The following GNB1 variants were observed in gnomAD, a reference collection of about 807,000 sequenced individuals.
The protein encoded by GNB1 is G protein subunit beta 1.
Under a neutral mutation model 42.9 loss-of-function variants are expected in GNB1, and 2 were observed. The observed-to-expected ratio is 0.05, with a 90% CI of 0.02 to 0.15. The LOEUF (loss-of-function observed/expected upper bound fraction) is 0.15. Among genes scored for constraint, GNB1 ranks in the 10% least tolerant of loss-of-function variants. GNB1 has a pLI of 1.00. For missense variants in GNB1, 193 were observed against 462.2 expected (o/e 0.42, Z 5.34); for synonymous variants, 183 against 174.7 (o/e 1.05, Z -0.38).
At chr1:1,803,402 T>C (rs968421755) in intron 7 of GNB1, among the ~76,000 whole-genome samples, 3 of 152,192 alleles carry the variant, frequency 2.0e-5, no homozygotes, top group Non-Finnish European at 4.4e-5. Context: ...GCTTGAGCCA[T>C]CCTCCTGAGG....
rs1646981533 is a variant in GNB1, at chr1:1,825,291, T to C, written c.57+106A>G. ...CTGGGCCAACTAAGATTCAATTTCA[T>C]ATAAAACATAGAACAAGTCATCCTG... On this transcript the variant is annotated intron_variant, in intron 3 of 11. Coordinates refer to ENST00000378609, the MANE Select transcript of GNB1 (RefSeq NM_002074.5). The C allele has an allele frequency of 7.9e-5, 63 of 796,710 alleles. No homozygotes were observed. In the South Asian group the frequency reaches 9.0e-4, roughly 11 times the overall value. 49.4% of individuals were successfully genotyped at this position (796,710 alleles called of 1,614,324 possible).
At chr1:1,819,528 T>C (rs1439172541) in intron 3 of GNB1, among the ~76,000 whole-genome samples, 1 of 151,926 alleles carries the variant, frequency 6.6e-6, no homozygotes, top group Non-Finnish European at 1.5e-5. Context: ...GCCTCTTTTT[T>C]TTTTTAAACT....
rs1002108486 is a variant in GNB1, at chr1:1,785,929, T to C, written c.*1134A>G. The C allele has an allele frequency of 1.3e-5, 5 of 398,662 alleles. No homozygotes were observed. Among genetic ancestry groups the C allele is most frequent in the Non-Finnish European group, 2.2e-5 (5 of 226,038 alleles). The allele number at this position is 398,662 out of a possible 1,614,324, so 24.7% of individuals were successfully genotyped here. On this transcript the variant is annotated 3_prime_UTR_variant, in exon 12 of 12. Transcript: ENST00000378609. The stretch of plus-strand genomic sequence containing the variant: ...CAACGAGAAGTGGACAGAGCCGCAA[T>C]GGTTACAACTGTAAGAGGTTATTTC...
intron 1 of GNB1, among the ~76,000 whole-genome samples, chr1:1,883,053 G>C (rs1421633052): frequency 1.3e-5 from 2 of 151,938 alleles, no homozygotes; most frequent in African/African-American, 4.8e-5. Flanking sequence ...CATTTTGGGA[G>C]GCTAAGGCAG....
chr1:1,790,274 C>T lies in GNB1; in HGVS notation c.699+121G>A. Reference sequence around the variant, plus strand: ...GGAGTTTTCTGTATCCCCATCTGTACATGAGGTTGTATAAGGATCAGAAAG... The same window carrying T: ...GGAGTTTTCTGTATCCCCATCTGTATATGAGGTTGTATAAGGATCAGAAAG... On this transcript the variant is annotated intron_variant, in intron 9 of 11. Coordinates refer to ENST00000378609, the MANE Select transcript of GNB1 (RefSeq NM_002074.5). This position sits in a 1 kb window ranked among gnomAD's most constrained non-coding sequence, Gnocchi z 5.4. The T allele has an allele frequency of 2.9e-6, 2 of 693,624 alleles. No individual in the cohort carries two copies. The highest frequency in any genetic ancestry group is 4.6e-5 in the Admixed American group (2 of 43,744). 43.0% of individuals were successfully genotyped at this position (693,624 alleles called of 1,614,324 possible). A position where few individuals can be genotyped will look rare whatever the true frequency, so the allele number is the denominator to read the frequency against.
intron 2 of GNB1, among the ~76,000 whole-genome samples, chr1:1,838,577 T>A (rs1167513997): frequency 2.0e-5 from 3 of 151,986 alleles, no homozygotes; most frequent in Non-Finnish European, 4.4e-5. Context: ...CCAGAGTAGC[T>A]GGGACTACAG....
intron 7 of GNB1, among the ~76,000 whole-genome samples, chr1:1,799,359 G>A (rs1646593184): frequency 6.6e-6 from 1 of 151,866 alleles, no homozygotes; most frequent in African/African-American, 2.4e-5. Context: ...TTATTTTCTT[G>A]AGTATTTTTG....
At chr1:1,807,477 A>AAAAAAAC (rs1646715786) in intron 5 of GNB1, among the ~76,000 whole-genome samples, 1 of 148,228 alleles carries the variant, frequency 6.7e-6, no homozygotes, top group African/African-American at 2.5e-5. Flanking sequence ...AAAAAAAAAA[A>AAAAAAAC]AAAAAAAAAA....
intron 1 of GNB1, among the ~76,000 whole-genome samples, chr1:1,855,025 G>A (rs912565431): frequency 8.5e-5 from 13 of 152,144 alleles, no homozygotes; most frequent in Admixed American, 7.2e-4. Flanking sequence ...CAGGCGCAGT[G>A]GCAGTCACCT....
intron 5 of GNB1, among the ~76,000 whole-genome samples, chr1:1,810,135 G>C (rs959608722): frequency 6.6e-6 from 1 of 151,980 alleles, no homozygotes; most frequent in African/African-American, 2.4e-5. Flanking sequence ...GGAGGATCTC[G>C]GCTAACTGCA....
At chr1:1,881,987 T>G (rs1344373008) in intron 1 of GNB1, among the ~76,000 whole-genome samples, 3 of 152,118 alleles carry the variant, frequency 2.0e-5, no homozygotes, top group Admixed American at 2.0e-4. Context: ...AAAGCTTTTT[T>G]TAATGAGAAG....
chr1:1,806,392 C>T (rs1406581674), intron 6 of GNB1, 83 bp downstream of exon 6: 9 of 835,672 alleles, frequency 1.1e-5, no homozygotes, highest in Admixed American at 6.0e-5. Flanking sequence ...TCCTGTATTA[C>T]GTGATTTAAC....
intron 1 of GNB1, among the ~76,000 whole-genome samples, chr1:1,875,382 G>A (rs146338615): frequency 7.2e-4 from 110 of 152,158 alleles, no homozygotes; most frequent in Non-Finnish European, 8.5e-4. Flanking sequence ...TAGCAGAGAC[G>A]GGGTTTTCAC....
intron 1 of GNB1, among the ~76,000 whole-genome samples, chr1:1,861,932 G>A (rs1648652645): frequency 6.6e-6 from 1 of 152,190 alleles, no homozygotes; most frequent in Non-Finnish European, 1.5e-5. Flanking sequence ...CGGGCGCAGT[G>A]GCTCACGCCT....
At chr1:1,888,395 G>T (rs567571788) in intron 1 of GNB1, among the ~76,000 whole-genome samples, 5 of 151,754 alleles carry the variant, frequency 3.3e-5, no homozygotes, top group Admixed American at 3.3e-4. Context: ...CGGGCGGGGG[G>T]AGCACTTTCA....
intron 1 of GNB1, among the ~76,000 whole-genome samples, chr1:1,849,182 C>A (rs1647845924): frequency 1.3e-5 from 2 of 152,212 alleles, no homozygotes; most frequent in South Asian, 2.1e-4. Flanking sequence ...AGCTCATTGA[C>A]CCCGATTTGT....
chr1:1,792,588 C>T (rs2100535267), intron 8 of GNB1, among the ~76,000 whole-genome samples: 1 of 150,438 alleles, frequency 6.6e-6, no homozygotes, highest in African/African-American at 2.5e-5. Context: ...TTCCCAGCTA[C>T]TCGGGAGGCT....
At chr1:1,889,070 T>TGGAGGCAGGAAAATCGCTTCAACCTGGG in intron 1 of GNB1, among the ~76,000 whole-genome samples, 1 of 152,286 alleles carries the variant, frequency 6.6e-6, no homozygotes, top group South Asian at 2.1e-4. Flanking sequence ...ATTAAAACCT[T>TGGAGGCAGGAAAATCGCTTCAACCTGGG]ACTTTCAATA....
At chr1:1,821,204 C>T (rs1416543877) in intron 3 of GNB1, among the ~76,000 whole-genome samples, 1 of 152,244 alleles carries the variant, frequency 6.6e-6, no homozygotes, top group Non-Finnish European at 1.5e-5. Context: ...GCATCCATTG[C>T]AGCTGCCTCT....
Sources: gnomAD v4.1 joint callset for allele counts (sites outside exome capture counted in the v4.1 genomes callset) on GRCh38, gnomAD v4.1.1 for gene constraint, Gnocchi (gnomAD v3.1) non-coding constraint, MANE v1.5 for transcripts, NCBI Gene and HGNC (gene_info 2026-07-23, HGNC 2026-07-21) for gene names.